NME9: variants seen among roughly 807,000 people sequenced by gnomAD.
The protein encoded by NME9 is thioredoxin domain-containing protein 6.
In NME9, 48 loss-of-function variants were observed where a neutral mutation model predicts 44.4. The ratio of observed to expected loss-of-function variants is 1.08; its 90% CI spans 0.86 to 1.37. The LOEUF (loss-of-function observed/expected upper bound fraction) is 1.37, where lower values mean the gene tolerates loss of function less well. NME9 is among the 40% of genes most tolerant of loss of function. The pLI, the probability that NME9 is intolerant of heterozygous loss-of-function variation, is 0.00. For synonymous variants in NME9, 139 were observed against 147.1 expected (o/e 0.94, Z 0.40); for missense variants, 325 against 405.2 (o/e 0.80, Z 1.70).
At chr3:138,306,702 C>T (rs2052293009) in intron 6 of NME9, among the ~76,000 whole-genome samples, 1 of 152,252 alleles carries the variant, frequency 6.6e-6, no homozygotes, top group Admixed American at 6.5e-5. Flanking sequence ...AGACCTCAAC[C>T]TCCATCTTGC....
At chr3:138,267,372 A>C in intron 8 of NME9, 2 of 561,272 alleles carry the variant, frequency 3.6e-6, no homozygotes, top group South Asian at 5.1e-5. Context: ...TTGATTGCAT[A>C]GCGGTAGGGG....
intron 8 of NME9, chr3:138,290,460 C>A: frequency 1.0e-6 from 1 of 1,002,798 alleles, no homozygotes; most frequent in Non-Finnish European, 1.5e-6. Context: ...GTGAAGGACA[C>A]TGGTAAGGCT....
chr3:138,303,248 G>A (rs1363972940), intron 10 of NME9: 2 of 358,616 alleles, frequency 5.6e-6, no homozygotes, highest in Non-Finnish European at 1.0e-5. Context: ...AGTACTTTTT[G>A]TAACAAAAAT....
At chr3:138,302,545 A>G (rs539208823) in intron 10 of NME9, among the ~76,000 whole-genome samples, 2 of 152,186 alleles carry the variant, frequency 1.3e-5, no homozygotes, top group African/African-American at 4.8e-5. Context: ...TGGGTCTCTG[A>G]TCCACATAGA....
Position 138,301,362 on chromosome 3 carries a change from C to G in NME9, c.*278G>C. 1 of 480,654 alleles carries G rather than the reference C, an allele frequency of 2.1e-6. No homozygotes were observed. The highest frequency in any genetic ancestry group is 3.2e-6 in the Non-Finnish European group (1 of 314,056). 29.8% of individuals were successfully genotyped at this position (480,654 alleles called of 1,614,324 possible). A position where few individuals can be genotyped will look rare whatever the true frequency, so the allele number is the denominator to read the frequency against. On this transcript the variant is annotated 3_prime_UTR_variant, in exon 11 of 11. Transcript: ENST00000333911. ...TGGATGACAGGTGCACACCACCACG[C>G]CCGGCTAATTTTTTGTATTTTTAGT...
chr3:138,287,663 T>G (rs1178616640), intron 8 of NME9: 1 of 456,732 alleles, frequency 2.2e-6, no homozygotes, highest in South Asian at 1.5e-5. Flanking sequence ...CTTAAAAGTG[T>G]TGGCAGTTAG....
At chr3:138,322,375 G>T (rs1349529584) in intron 2 of NME9, among the ~76,000 whole-genome samples, 5 of 151,840 alleles carry the variant, frequency 3.3e-5, no homozygotes, top group South Asian at 4.2e-4. Context: ...AAGCGGGGGT[G>T]GGGGGTAGGG....
chr3:138,315,696 G>A (rs2053028109), intron 4 of NME9, 53 bp from the exon 5 acceptor site: 5 of 1,349,558 alleles, frequency 3.7e-6, no homozygotes, highest in South Asian at 2.5e-5. Flanking sequence ...TTAATCTCTT[G>A]TAAGAGATGG....
chr3:138,308,945 GAAAAAAAA>G (rs1002890235), intron 6 of NME9, among the ~76,000 whole-genome samples: 98 of 52,900 alleles, frequency 1.9e-3, no homozygotes, highest in African/African-American at 4.1e-3. Flanking sequence ...AATACTGAAA[GAAAAAAAA>G]AAAAAAAAAA....
intron 8 of NME9, among the ~76,000 whole-genome samples, chr3:138,284,021 C>G (rs1344456988): frequency 6.6e-6 from 1 of 152,170 alleles, no homozygotes; most frequent in Non-Finnish European, 1.5e-5. Context: ...AGGGGAGTTG[C>G]AACACCTACA....
At chr3:138,315,214 C>T (rs750172929) in intron 5 of NME9, among the ~76,000 whole-genome samples, 2 of 152,218 alleles carry the variant, frequency 1.3e-5, no homozygotes, top group Non-Finnish European at 2.9e-5. Context: ...GGATAGCTGA[C>T]TTCTCCTACC....
chr3:138,274,659 G>C (rs940999409), intron 8 of NME9: 1 of 721,768 alleles, frequency 1.4e-6, no homozygotes, highest in Non-Finnish European at 2.3e-6. Flanking sequence ...GATGGGAGAT[G>C]CTCTAGAAAT....
At chr3:138,284,667 C>A in intron 8 of NME9, 1 of 642,830 alleles carries the variant, frequency 1.6e-6, no homozygotes. Context: ...GAACTCTCTT[C>A]CATCCTGAAG....
In NME9 at chr3:138,305,027, C is replaced by T; in HGVS notation, c.637G>A (p.Glu213Lys). 6.2e-7 allele frequency: 1 copy of T among 1,613,660 alleles called. No individual in the cohort carries two copies. Among genetic ancestry groups the T allele is most frequent in the Non-Finnish European group, 8.5e-7 (1 of 1,179,748 alleles). The change falls in exon 9 of 11, where the codon GAG (glutamate) becomes AAG (lysine). Residue 213 changes from glutamate to lysine, a missense_variant and splice_region_variant. Glu to Lys is a moderately conservative substitution (Grantham distance 56). Transcript: ENST00000333911. ...RLFYQHKAGE[E>K]AFEKLVHHMC... ...TGATGTACCAGCTTCTCAAATGCCT[C>T]CTAGGCACAGGGAGGGAAAACAGTG...
intron 8 of NME9, among the ~76,000 whole-genome samples, chr3:138,290,288 T>C (rs2050814533): frequency 6.6e-6 from 1 of 152,026 alleles, no homozygotes; most frequent in South Asian, 2.1e-4. Flanking sequence ...GACCCTGTAG[T>C]CCATGGAGAA....
chr3:138,321,863 T>C (rs910079922), intron 2 of NME9, among the ~76,000 whole-genome samples: 4 of 151,540 alleles, frequency 2.6e-5, no homozygotes, highest in Non-Finnish European at 5.9e-5. Flanking sequence ...GGAGAGATTG[T>C]TGAAGGGGAA....
At chr3:138,266,327 A>G (rs1413981892) in intron 8 of NME9, among the ~76,000 whole-genome samples, 1 of 152,074 alleles carries the variant, frequency 6.6e-6, no homozygotes, top group African/African-American at 2.4e-5. Context: ...CTATGCTTGG[A>G]ACACACTTGC....
At chr3:138,285,759 A>G (rs745866801) in intron 8 of NME9, among the ~76,000 whole-genome samples, 1 of 152,186 alleles carries the variant, frequency 6.6e-6, no homozygotes, top group Non-Finnish European at 1.5e-5. Flanking sequence ...TATATCCACC[A>G]TGGTGTCTGG....
chr3:138,302,045 A>C (rs1047240179), intron 10 of NME9, among the ~76,000 whole-genome samples: 5 of 152,174 alleles, frequency 3.3e-5, no homozygotes, highest in African/African-American at 1.2e-4. Context: ...AGAAAATGTA[A>C]GTAACTTTTC....
Sources: allele counts gnomAD v4.1 joint callset (sites outside exome capture counted in the v4.1 genomes callset), GRCh38; gene constraint gnomAD v4.1.1; transcripts MANE v1.5; gene names NCBI Gene and HGNC (gene_info 2026-07-23, HGNC 2026-07-21).